Variants in SLIT2 observed in about 807,000 individuals in gnomAD.
The protein encoded by SLIT2 is slit guidance ligand 2, also known as slit homolog 2 protein.
A neutral mutation model predicts 185.7 loss-of-function variants in SLIT2; 41 were observed. The observed-to-expected ratio is 0.22, with a 90% CI of 0.17 to 0.29. The LOEUF (loss-of-function observed/expected upper bound fraction) is 0.29, where lower values mean the gene tolerates loss of function less well. SLIT2 is among the 10% of genes least tolerant of loss of function. The pLI is 1.00. For synonymous variants in SLIT2, 693 were observed against 680.2 expected (o/e 1.02, Z -0.29); for missense variants, 1,571 against 1,909.0 (o/e 0.82, Z 3.30).
rs1193653965 is a variant in SLIT2, at chr4:20,373,866, C to G, written c.396-93886C>G. 3.9e-5 allele frequency among the ~76,000 whole-genome samples: 6 copies of G among 152,098 alleles called. No homozygotes were observed. The East Asian group carries it at 1.2e-3, about 30-fold the overall frequency. On this transcript the variant is annotated intron_variant, in intron 4 of 36. Coordinates refer to ENST00000504154, the MANE Select transcript of SLIT2 (RefSeq NM_004787.4). ...ATCCCAGGGAAGGCTAAACAAGAAG[C>G]AGGAGTTAGCTTGGAATCACAGGGG...
At chr4:20,428,860 C>T (rs1380953916) in intron 4 of SLIT2, among the ~76,000 whole-genome samples, 1 of 152,228 alleles carries the variant, frequency 6.6e-6, no homozygotes, top group Non-Finnish European at 1.5e-5. Context: ...ATCTGTCCTG[C>T]TCCCCACTTG....
At position 20,604,799 on chromosome 4, in the gene SLIT2, T is replaced by C. The variant is rs147853293; in HGVS notation, c.3693-5214T>C. ...TGACCAGTTGAGTTTGGGTTCCAGT[T>C]CCTATTCCAAAGCGTGGAATATGTC... is the stretch of plus-strand genomic sequence containing the variant. On this transcript the variant is annotated intron_variant, in intron 33 of 36. Coordinates refer to ENST00000504154, the MANE Select transcript of SLIT2 (RefSeq NM_004787.4). Among the ~76,000 whole-genome samples the C allele has an allele frequency of 2.3e-3, 357 of 151,930 alleles. 1 individual carries two copies. Among genetic ancestry groups the C allele is most frequent in the African/African-American group, 7.7e-3 (321 of 41,432 alleles).
At chr4:20,273,350 T>G (rs970650917) in intron 4 of SLIT2, among the ~76,000 whole-genome samples, 86 of 152,116 alleles carry the variant, frequency 5.7e-4, no homozygotes, top group African/African-American at 2.0e-3. Flanking sequence ...CTTAGAATTA[T>G]TTTTATGATT....
At chr4:20,416,433 G>A (rs770296455) in intron 4 of SLIT2, among the ~76,000 whole-genome samples, 1 of 151,982 alleles carries the variant, frequency 6.6e-6, no homozygotes, top group Non-Finnish European at 1.5e-5. Context: ...CCTCCTTAAA[G>A]GTCCTATCAC....
At chr4:20,375,158 A>G (rs75131352) in intron 4 of SLIT2, among the ~76,000 whole-genome samples, 2,259 of 152,142 alleles carry the variant, frequency 0.015, 54 homozygotes, top group African/African-American at 0.05. Flanking sequence ...GACCATTATC[A>G]TCTTGGTTAT....
intron 5 of SLIT2, 152 bp downstream of exon 5, chr4:20,467,975 G>A (rs1714542016): frequency 1.1e-5 from 5 of 450,324 alleles, no homozygotes; most frequent in Non-Finnish European, 2.0e-5. Context: ...GTTGTCAATT[G>A]TTTTCACAAG....
intron 4 of SLIT2, among the ~76,000 whole-genome samples, chr4:20,300,809 TA>T (rs910767319): frequency 6.6e-6 from 1 of 152,162 alleles, no homozygotes; most frequent in Non-Finnish European, 1.5e-5. Flanking sequence ...TCCTATTTTT[TA>T]AAAAACTTAA....
At chr4:20,297,740 T>G (rs1454148311) in intron 4 of SLIT2, among the ~76,000 whole-genome samples, 1 of 152,144 alleles carries the variant, frequency 6.6e-6, no homozygotes, top group Non-Finnish European at 1.5e-5. Flanking sequence ...ATCATGGCAT[T>G]TTCCTTCCTT....
intron 4 of SLIT2, among the ~76,000 whole-genome samples, chr4:20,362,457 G>C (rs1255940829): frequency 6.6e-6 from 1 of 152,008 alleles, no homozygotes; most frequent in Non-Finnish European, 1.5e-5. Context: ...TTCATGGATT[G>C]ATTTTCCAAG....
chr4:20,523,952 G>T (rs1450305764), intron 13 of SLIT2, 49 bp downstream of exon 13: 8 of 1,612,174 alleles, frequency 5.0e-6, no homozygotes, highest in Non-Finnish European at 5.9e-6. Context: ...TTTCCTCTCT[G>T]AATGTAAGAG....
At position 20,553,932 on chromosome 4, in the gene SLIT2, T is replaced by G. The variant is rs549767155; in HGVS notation, c.2689T>G (p.Leu897Val). 6.2e-7 allele frequency: 1 copy of G among 1,609,046 alleles called. No homozygotes were observed. Among genetic ancestry groups the G allele is most frequent in the African/African-American group, 1.3e-5 (1 of 74,716 alleles). Residue 897 changes from leucine to valine, a missense_variant, in exon 26 of 37, where the codon TTA (leucine) becomes GTA (valine). By Grantham distance (32) the Leu-to-Val change is conservative. Transcript: ENST00000504154. ...AGPGEMADKL[L>V]LTTPSKKFTC... ...TCCTGGAGAAATGGCAGATAAACTT[T>G]TACTCACAACTCCCTCCAAAAAATT...
At chr4:20,500,184 G>A (rs1718590970) in intron 9 of SLIT2, among the ~76,000 whole-genome samples, 1 of 152,078 alleles carries the variant, frequency 6.6e-6, no homozygotes, top group Non-Finnish European at 1.5e-5. Context: ...ATTTCAAAGT[G>A]CAATTGTTTT....
At chr4:20,611,232 C>G (rs900658485) in intron 34 of SLIT2, among the ~76,000 whole-genome samples, 11 of 152,206 alleles carry the variant, frequency 7.2e-5, no homozygotes, top group Non-Finnish European at 1.6e-4. Context: ...ACACCATTAT[C>G]TCAACCACTC....
chr4:20,600,508 C>T (rs1028536535), intron 33 of SLIT2, among the ~76,000 whole-genome samples: 7 of 150,020 alleles, frequency 4.7e-5, no homozygotes, highest in African/African-American at 9.9e-5. Context: ...CTGCAAGCTC[C>T]GCCTCCTGGG....
intron 12 of SLIT2, among the ~76,000 whole-genome samples, chr4:20,523,377 C>T (rs1272902302): frequency 6.6e-6 from 1 of 152,084 alleles, no homozygotes; most frequent in Admixed American, 6.6e-5. Flanking sequence ...TTGAGAATAG[C>T]CTGAACTACT....
chr4:20,427,559 A>G (rs1728652577), intron 4 of SLIT2, among the ~76,000 whole-genome samples: 1 of 152,182 alleles, frequency 6.6e-6, no homozygotes, highest in African/African-American at 2.4e-5. Context: ...AAAGTTAATT[A>G]ATAACGGCTG....
intron 9 of SLIT2, among the ~76,000 whole-genome samples, chr4:20,498,880 T>C (rs1718458341): frequency 6.6e-6 from 1 of 152,220 alleles, no homozygotes; most frequent in South Asian, 2.1e-4. Context: ...GATAAACATA[T>C]GAGTGAAAGT....
chr4:20,262,882 T>G (rs1446066032), intron 3 of SLIT2, among the ~76,000 whole-genome samples: 1 of 151,870 alleles, frequency 6.6e-6, no homozygotes, highest in Non-Finnish European at 1.5e-5. Context: ...TTTATGGGCC[T>G]TGAAGTTTAA....
chr4:20,372,339 G>T (rs1723655349), intron 4 of SLIT2, among the ~76,000 whole-genome samples: 1 of 151,772 alleles, frequency 6.6e-6, no homozygotes, highest in Non-Finnish European at 1.5e-5. Context: ...ATCTCTAGAG[G>T]CGTGATTATT....
Sources: allele counts gnomAD v4.1 joint callset (sites outside exome capture counted in the v4.1 genomes callset), GRCh38; gene constraint gnomAD v4.1.1; transcripts MANE v1.5; gene names NCBI Gene and HGNC (gene_info 2026-07-23, HGNC 2026-07-21).